The following OBSL1 variants were observed in gnomAD, a reference collection of about 807,000 sequenced individuals.
OBSL1 encodes obscurin-like protein 1.
OBSL1 carries 160 observed loss-of-function variants against 172.0 expected under a neutral mutation model. The ratio of observed to expected loss-of-function variants is 0.93; its 90% CI spans 0.82 to 1.06. OBSL1 has a LOEUF of 1.06. Among genes scored for constraint, OBSL1 ranks in the 50% least tolerant of loss-of-function variants. The probability of loss-of-function intolerance (pLI) is 0.00; values close to 1 mark genes in which losing one functional copy is unlikely to be tolerated. For synonymous variants in OBSL1, 1,200 were observed against 1,196.3 expected (o/e 1.00, Z -0.06); for missense variants, 2,681 against 2,715.4 (o/e 0.99, Z 0.28).
intron 19 of OBSL1, 72 bp downstream of exon 19, chr2:219,552,040 C>T (rs1695651506): frequency 5.5e-6 from 8 of 1,443,018 alleles, no homozygotes; most frequent in Non-Finnish European, 7.6e-6. Flanking sequence ...TGGGGCCAGC[C>T]CCAAGTCCGT....
chr2:219,560,690 C>T (rs1275353128), intron 8 of OBSL1, among the ~76,000 whole-genome samples: 1 of 152,210 alleles, frequency 6.6e-6, no homozygotes, highest in East Asian at 1.9e-4. Flanking sequence ...GCCCCCCAGC[C>T]TCCACGGAGA....
At position 219,556,185 on chromosome 2, in the gene OBSL1, G is replaced by A. The variant is rs1307059037; in HGVS notation, c.4444C>T (p.Arg1482Cys). ...TGRVGAAGAV[R>C]WVRGGQPLPH... ...AGGGGCTGCCCACCTCGCACCCAGC[G>A]CACGGCCCCCGCTGCACCCACTCGG... The change falls in exon 14 of 21, where the codon CGC becomes TGC. Residue 1482 changes from arginine (R) to cysteine (C), a missense_variant. By Grantham distance (180) the Arg-to-Cys change is radical. Transcript: ENST00000404537. 5.0e-6 allele frequency: 8 copies of A among 1,612,626 alleles called. No homozygotes were observed. The highest frequency in any genetic ancestry group is 1.7e-4 in the Middle Eastern group (1 of 6,034).
chr2:219,563,590 C>A lies in OBSL1; in HGVS notation c.2445G>T (p.Val815=). 6.2e-7 allele frequency: 1 copy of A among 1,613,780 alleles called. No individual in the cohort carries two copies. The highest frequency in any genetic ancestry group is 8.5e-7 in the Non-Finnish European group (1 of 1,179,810). The part of the protein sequence containing the change: ...PVHIVDPREH[V]FVHAITSECV... ...ACTCGGAAGTTATGGCATGCACGAACACATGTTCTCGGGGGTCCACGATGT... is the reference window on the plus strand; with the variant it reads ...ACTCGGAAGTTATGGCATGCACGAAAACATGTTCTCGGGGGTCCACGATGT... The change falls in exon 7 of 21, where the codon GTG becomes GTT. Residue 815 remains valine (V), a synonymous_variant. Transcript: ENST00000404537.
At chr2:219,564,928 G>A (rs910389235) in intron 6 of OBSL1, among the ~76,000 whole-genome samples, 1 of 152,170 alleles carries the variant, frequency 6.6e-6, no homozygotes, top group African/African-American at 2.4e-5. Flanking sequence ...TTAGCTGGGC[G>A]TGGTGGCGCG....
downstream of OBSL1, chr2:219,549,955 C>T (rs1695517432): frequency 2.7e-6 from 4 of 1,479,672 alleles, no homozygotes; most frequent in Non-Finnish European, 2.8e-6. Context: ...TCCCTCTCCC[C>T]AGCCTGGAGA....
intron 9 of OBSL1, 151 bp downstream of exon 9, chr2:219,559,074 G>A: frequency 1.4e-6 from 1 of 707,238 alleles, no homozygotes; most frequent in Non-Finnish European, 2.3e-6. Flanking sequence ...GTCCTGACCT[G>A]ATGTGGCTAA....
chr2:219,557,738 T>C, intron 11 of OBSL1, 85 bp downstream of exon 11: 1 of 1,541,968 alleles, frequency 6.5e-7, no homozygotes, highest in Non-Finnish European at 8.7e-7. Context: ...CAAGGCATGC[T>C]GGAAAAGCAG....
Position 219,570,347 on chromosome 2 carries a change from G to A in OBSL1, c.886C>T (p.Arg296Cys), listed in dbSNP as rs1479192744. ...LLPDRRRLMY[R>C]DRDGGFVLKV... ...AGCACGAAGCCGCCGTCGCGGTCGC[G>A]GTACATGAGGCGGCGGCGGTCCGGG... is the stretch of plus-strand genomic sequence containing the variant. The change falls in exon 1 of 21, where the codon CGC becomes TGC. Residue 296 changes from arginine (R) to cysteine (C), a missense_variant. This residue lies in a region of OBSL1 where 706 missense variants were observed against 695.8 expected (regional missense o/e 1.01). Coordinates refer to ENST00000404537, the MANE Select transcript of OBSL1 (RefSeq NM_015311.3). The A allele has an allele frequency of 6.2e-7, 1 of 1,612,692 alleles. No homozygotes were observed.
rs754342154 is a variant in OBSL1 at position 219,568,067 on chromosome 2, C to T, written c.1270G>A (p.Val424Ile). ...MRGRVRTVAN[V>I]TVKGPILKRL... ...CGGGCCAGCTGACCTTTGACTGTGA[C>T]GTTGGCCACGGTGCGCACCCGGCCC... The change falls in exon 2 of 21, where the codon GTC becomes ATC. Residue 424 changes from valine (V) to isoleucine (I), a missense_variant. Val to Ile is a conservative substitution (Grantham distance 29). Coordinates refer to ENST00000404537, the MANE Select transcript of OBSL1 (RefSeq NM_015311.3). This position sits in a 1 kb window ranked among gnomAD's most constrained non-coding sequence, Gnocchi z 4.1. 1.2e-4 allele frequency: 190 copies of T among 1,609,646 alleles called. No individual in the cohort carries two copies. Among genetic ancestry groups the T allele is most frequent in the Non-Finnish European group, 1.6e-4 (184 of 1,176,542 alleles).
At position 219,570,681 on chromosome 2, in the gene OBSL1, G is replaced by T. The variant is rs1294904242; in HGVS notation, c.552C>A (p.Ala184=). The T allele has an allele frequency of 3.3e-6, 5 of 1,507,772 alleles. No homozygotes were observed. In the African/African-American group the frequency reaches 7.2e-5, roughly 22 times the overall value. The allele number at this position is 1,507,772 out of a possible 1,614,324, so 93.4% of individuals were successfully genotyped here. ...SSHFALQPGR[A]EDGPGASLAL... ...CCAGGCTCGCGCCGGGGCCGTCCTC[G>T]GCGCGGCCCGGCTGGAGCGCGAAGT... is the stretch of plus-strand genomic sequence containing the variant. Residue 184 remains alanine, a synonymous_variant, in exon 1 of 21, where the codon GCC becomes GCA. Transcript: ENST00000404537.
At chr2:219,561,339 CGT>C (rs1381571146) in intron 8 of OBSL1, among the ~76,000 whole-genome samples, 1 of 152,046 alleles carries the variant, frequency 6.6e-6, no homozygotes, top group Non-Finnish European at 1.5e-5. Context: ...CGCTGTGAGC[CGT>C]CACCCCGAGG....
chr2:219,562,508 T>C lies in OBSL1; in HGVS notation c.2847A>G (p.Glu949=), dbSNP rs764373434. ...VESPALLLQK[E]DTVRRLVLPA... is the part of the protein sequence containing the mutation. ...GCAGCACCAGGCGGCGGACAGTGTC[T>C]TCCTTCTGCAGGAGCAGCGCGGGGC... is the stretch of plus-strand genomic sequence containing the variant. The change falls in exon 8 of 21, where the codon GAA becomes GAG. Residue 949 remains glutamate (E), a synonymous_variant. Transcript: ENST00000404537. 6.2e-7 allele frequency: 1 copy of C among 1,613,972 alleles called. No homozygotes were observed. The highest frequency in any genetic ancestry group is 8.5e-7 in the Non-Finnish European group (1 of 1,179,870).
intron 20 of OBSL1, 118 bp from the exon 21 acceptor site, chr2:219,550,960 C>T (rs1232749857): frequency 5.8e-6 from 9 of 1,538,822 alleles, no homozygotes; most frequent in Non-Finnish European, 6.1e-6. Flanking sequence ...CTGCCCTACC[C>T]TTTCTGGGCC....
chr2:219,559,023 G>T (rs1159824111), intron 9 of OBSL1: 2 of 561,510 alleles, frequency 3.6e-6, no homozygotes, highest in South Asian at 5.3e-5. Context: ...ATGAATGAAC[G>T]AATGGTTCTA....
At chr2:219,552,374 G>C in intron 18 of OBSL1, 158 bp from the exon 19 acceptor site, 1 of 872,218 alleles carries the variant, frequency 1.1e-6, no homozygotes, top group Non-Finnish European at 1.8e-6. Flanking sequence ...TAGAGGTCCG[G>C]GACTAGGGGC....
downstream of OBSL1, chr2:219,547,999 G>A (rs571194164): frequency 1.3e-6 from 2 of 1,588,980 alleles, no homozygotes; most frequent in South Asian, 1.1e-5. Flanking sequence ...GCTGGGCCCT[G>A]CTGGCACTCT....
Position 219,570,787 on chromosome 2 carries a change from C to A in OBSL1, c.446G>T (p.Cys149Phe). The change falls in exon 1 of 21, where the codon TGC becomes TTC. Residue 149 changes from cysteine (C) to phenylalanine (F), a missense_variant. Physicochemically the swap from Cys to Phe is radical, Grantham distance 205. This residue lies in a region of OBSL1 where 706 missense variants were observed against 695.8 expected (regional missense o/e 1.01). Coordinates refer to ENST00000404537, the MANE Select transcript of OBSL1 (RefSeq NM_015311.3). ...VLRGAEVVLT[C>F]RAGGLPEPTL... ...GGGCTCGGGGAGGCCCCCCGCCCGGCACGTCAGCACCACCTCCGCCCCCCG... is the reference window on the plus strand; with the variant it reads ...GGGCTCGGGGAGGCCCCCCGCCCGGAACGTCAGCACCACCTCCGCCCCCCG... 6.7e-7 allele frequency: 1 copy of A among 1,495,850 alleles called. No individual in the cohort carries two copies. The allele number at this position is 1,495,850 out of a possible 1,614,324, so 92.7% of individuals were successfully genotyped here.
At chr2:219,564,929 TGGTGGCGC>T (rs1263063121) in intron 6 of OBSL1, among the ~76,000 whole-genome samples, 1 of 152,124 alleles carries the variant, frequency 6.6e-6, no homozygotes, top group Non-Finnish European at 1.5e-5. Flanking sequence ...TAGCTGGGCG[TGGTGGCGC>T]GCACCTGTAG....
chr2:219,561,658 C>A, intron 8 of OBSL1: 1 of 563,484 alleles, frequency 1.8e-6, no homozygotes, highest in South Asian at 2.0e-5. Flanking sequence ...CCCTGACCCT[C>A]CTGCTCTGTG....
Sources: allele counts gnomAD v4.1 joint callset (sites outside exome capture counted in the v4.1 genomes callset), GRCh38; gene constraint gnomAD v4.1.1; regional missense constraint gnomAD v4.1.1; non-coding constraint Gnocchi (gnomAD v3.1); transcripts MANE v1.5; gene names NCBI Gene and HGNC (gene_info 2026-07-23, HGNC 2026-07-21).